The following TANC1 variants were observed in gnomAD, a reference collection of about 807,000 sequenced individuals.
TANC1 encodes the protein tetratricopeptide repeat, ankyrin repeat and coiled-coil containing 1.
Under a neutral mutation model 149.7 loss-of-function variants are expected in TANC1, and 77 were observed. That is an observed-to-expected ratio of 0.51 (90% CI 0.43 to 0.62). The LOEUF (loss-of-function observed/expected upper bound fraction) is 0.62, where lower values mean the gene tolerates loss of function less well. Among genes scored for constraint, TANC1 ranks in the 20% least tolerant of loss-of-function variants. The pLI, the probability that TANC1 is intolerant of heterozygous loss-of-function variation, is 0.00. For missense variants in TANC1, 1,985 were observed against 2,321.8 expected, an observed-to-expected ratio of 0.85 and a Z score of 2.98; for synonymous variants, 854 against 925.0, an observed-to-expected ratio of 0.92 and a Z score of 1.39.
intron 19 of TANC1, among the ~76,000 whole-genome samples, chr2:159,201,115 T>A (rs867660136): frequency 2.6e-5 from 4 of 152,138 alleles, no homozygotes; most frequent in Non-Finnish European, 4.4e-5. Context: ...CACCTTGCCT[T>A]CTCTGCATTT....
At chr2:158,992,529 G>A (rs914831979) in intron 1 of TANC1, among the ~76,000 whole-genome samples, 1 of 151,980 alleles carries the variant, frequency 6.6e-6, no homozygotes, top group African/African-American at 2.4e-5. Context: ...TTGAGACGGA[G>A]TCTTGCCCTG....
Position 159,001,191 on chromosome 2 carries a change from T to A in TANC1, c.-16+2T>A, listed in dbSNP as rs1277604348. Reference sequence around the variant, plus strand: ...TGCATGTGAAGTTATCAAAAACAGGTAGGTGATGGCTGAGGATTGGGGTAG... The same window carrying A: ...TGCATGTGAAGTTATCAAAAACAGGAAGGTGATGGCTGAGGATTGGGGTAG... On this transcript the variant is annotated splice_donor_variant, in intron 2 of 26. Transcript: ENST00000263635. LOFTEE classifies it low-confidence loss of function (5UTR_SPLICE). The surrounding 1 kb of genome is among the most constrained non-coding windows in gnomAD (Gnocchi z 4.3). 1 of 152,276 alleles carries A rather than the reference T, an allele frequency of 6.6e-6. No individual in the cohort carries two copies. Among genetic ancestry groups the A allele is most frequent in the Non-Finnish European group, 1.5e-5 (1 of 68,198 alleles). 9.4% of individuals were successfully genotyped at this position (152,276 alleles called of 1,614,324 possible). A position where few individuals can be genotyped will look rare whatever the true frequency, so the allele number is the denominator to read the frequency against.
intron 5 of TANC1, among the ~76,000 whole-genome samples, chr2:159,138,961 G>A (rs1198717183): frequency 6.6e-6 from 1 of 152,302 alleles, no homozygotes; most frequent in East Asian, 1.9e-4. Flanking sequence ...TTTTGAATTT[G>A]CTTATTTATA....
intron 4 of TANC1, among the ~76,000 whole-genome samples, chr2:159,101,820 C>T (rs2046739289): frequency 6.6e-6 from 1 of 152,150 alleles, no homozygotes; most frequent in African/African-American, 2.4e-5. Context: ...ATCAAAACAT[C>T]ATGAATGAAT....
chr2:159,060,757 C>A (rs1034489157), intron 2 of TANC1, among the ~76,000 whole-genome samples: 3 of 152,086 alleles, frequency 2.0e-5, no homozygotes, highest in Admixed American at 1.3e-4. Flanking sequence ...GTATGGCACT[C>A]CAGAAGAGAA....
Position 159,230,648 on chromosome 2 carries a change from G to T in TANC1, c.5222G>T (p.Ser1741Ile). 6.2e-7 allele frequency: 1 copy of T among 1,614,224 alleles called. No individual in the cohort carries two copies. Among genetic ancestry groups the T allele is most frequent in the South Asian group, 1.1e-5 (1 of 91,086 alleles). Residue 1741 changes from serine to isoleucine, a missense_variant, in exon 27 of 27, where the codon AGC (serine) becomes ATC (isoleucine). By Grantham distance (142) the Ser-to-Ile change is moderately radical. Transcript: ENST00000263635. This position sits in a 1 kb window ranked among gnomAD's most constrained non-coding sequence, Gnocchi z 4.4. ...TTCCAACAGCAGAGCAATCCTCCAA[G>T]CCGCAGCTGGCACTGTCCGGCACCA... ...ARFQQQSNPP[S>I]RSWHCPAPEG...
At chr2:159,195,599 A>C (rs996194433) in intron 17 of TANC1, among the ~76,000 whole-genome samples, 5 of 152,356 alleles carry the variant, frequency 3.3e-5, no homozygotes, top group African/African-American at 1.2e-4. Context: ...GGCTTATAAC[A>C]GCTGTGGGAG....
At chr2:158,969,445 T>G (rs2032498551) in intron 1 of TANC1, among the ~76,000 whole-genome samples, 1 of 151,396 alleles carries the variant, frequency 6.6e-6, no homozygotes, top group Non-Finnish European at 1.5e-5. Context: ...ACGTTGGGGG[T>G]TTTTCTTTAG....
intron 2 of TANC1, among the ~76,000 whole-genome samples, chr2:159,025,651 A>C (rs2039278487): frequency 6.6e-6 from 1 of 152,090 alleles, no homozygotes; most frequent in African/African-American, 2.4e-5. Context: ...TTTTTAGCAC[A>C]GTAAGTTTTT....
intron 14 of TANC1, 53 bp from the exon 15 acceptor site, chr2:159,185,738 C>T (rs144858363): frequency 8.0e-6 from 10 of 1,252,416 alleles, no homozygotes; most frequent in African/African-American, 2.9e-5. Context: ...GGTGGGTCTG[C>T]GGTGTGGTGG....
At chr2:159,032,102 C>T (rs1488226995) in intron 2 of TANC1, among the ~76,000 whole-genome samples, 3 of 152,146 alleles carry the variant, frequency 2.0e-5, no homozygotes, top group Admixed American at 1.3e-4. Flanking sequence ...TCATTGGTGA[C>T]TTAGGAGGAG....
At chr2:159,008,491 G>T (rs1332534665) in intron 2 of TANC1, among the ~76,000 whole-genome samples, 2 of 152,200 alleles carry the variant, frequency 1.3e-5, no homozygotes, top group East Asian at 3.8e-4. Context: ...TTTCCAGCAT[G>T]CTCAGGTTAA....
rs77865685 is a variant in TANC1 at position 159,125,745 on chromosome 2, C to T, written c.260-10449C>T. On this transcript the variant is annotated intron_variant, in intron 4 of 26. Coordinates refer to ENST00000263635, the MANE Select transcript of TANC1 (RefSeq NM_033394.3). The stretch of plus-strand genomic sequence containing the variant: ...GCTGGGAATACAGGTGCCTACCACG[C>T]CCAGCTAATTTTTTGTATTTTTAGT... Among the ~76,000 whole-genome samples, 1,069 of 152,214 alleles carry T rather than the reference C, an allele frequency of 7.0e-3. 8 individuals are homozygous for T. Among genetic ancestry groups the T allele is most frequent in the African/African-American group, 0.024 (1,005 of 41,526 alleles).
chr2:159,046,975 T>A (rs1197830564), intron 2 of TANC1, among the ~76,000 whole-genome samples: 4 of 152,114 alleles, frequency 2.6e-5, no homozygotes, highest in Non-Finnish European at 5.9e-5. Context: ...GTATCTGCCC[T>A]TATGTTCCTG....
At chr2:159,181,251 C>T (rs183681364) in intron 14 of TANC1, among the ~76,000 whole-genome samples, 1 of 151,456 alleles carries the variant, frequency 6.6e-6, no homozygotes, top group African/African-American at 2.4e-5. Flanking sequence ...TGCAAAACTC[C>T]TAGGAGGCAA....
chr2:159,135,946 T>C (rs1456819884), intron 4 of TANC1, among the ~76,000 whole-genome samples: 2 of 151,974 alleles, frequency 1.3e-5, no homozygotes, highest in South Asian at 2.1e-4. Context: ...AATCTGAGCT[T>C]ACTCTTTTCT....
chr2:158,981,224 G>A (rs569901920), intron 1 of TANC1, among the ~76,000 whole-genome samples: 1 of 151,864 alleles, frequency 6.6e-6, no homozygotes, highest in East Asian at 1.9e-4. Context: ...GGAGGTGGAG[G>A]CAGGAGGATT....
chr2:158,984,277 G>A (rs1041884315), intron 1 of TANC1, among the ~76,000 whole-genome samples: 1 of 152,218 alleles, frequency 6.6e-6, no homozygotes, highest in Admixed American at 6.5e-5. Flanking sequence ...GAATCAAAGG[G>A]TGTTAGTTCC....
intron 16 of TANC1, among the ~76,000 whole-genome samples, chr2:159,192,143 A>G (rs1282653934): frequency 2.0e-5 from 3 of 152,236 alleles, no homozygotes; most frequent in Admixed American, 6.5e-5. Context: ...TGGGGGATAT[A>G]GTAATTAGTG....
Sources: gnomAD v4.1 joint callset for allele counts (sites outside exome capture counted in the v4.1 genomes callset) on GRCh38, gnomAD v4.1.1 for gene constraint, Gnocchi (gnomAD v3.1) non-coding constraint, MANE v1.5 for transcripts, NCBI Gene and HGNC (gene_info 2026-07-23, HGNC 2026-07-21) for gene names.